The following SSBP3 variants were observed in gnomAD, a reference collection of about 807,000 sequenced individuals.
SSBP3 encodes single stranded DNA binding protein 3.
A neutral mutation model predicts 69.6 loss-of-function variants in SSBP3; 5 were observed. That is an observed-to-expected ratio of 0.07 (90% CI 0.04 to 0.15). The LOEUF (loss-of-function observed/expected upper bound fraction) is 0.15. SSBP3 is among the 10% of genes least tolerant of loss of function. SSBP3 has a pLI of 1.00. For synonymous variants in SSBP3, 196 were observed against 193.4 expected, an observed-to-expected ratio of 1.01 and a Z score of -0.11; for missense variants, 312 against 534.0, an observed-to-expected ratio of 0.58 and a Z score of 4.10.
intron 4 of SSBP3, among the ~76,000 whole-genome samples, chr1:54,362,761 A>G (rs961247308): frequency 1.3e-5 from 2 of 152,192 alleles, no homozygotes; most frequent in Non-Finnish European, 2.9e-5. Flanking sequence ...AGCTGTCTAA[A>G]CATTTGTCTG....
At chr1:54,268,095 C>T (rs1384904485) in intron 5 of SSBP3, among the ~76,000 whole-genome samples, 1 of 152,218 alleles carries the variant, frequency 6.6e-6, no homozygotes, top group African/African-American at 2.4e-5. Context: ...AGAGTCCAGA[C>T]AGCACCCCTC....
chr1:54,235,221 G>T (rs1307916498), intron 14 of SSBP3, among the ~76,000 whole-genome samples: 1 of 151,616 alleles, frequency 6.6e-6, no homozygotes, highest in Non-Finnish European at 1.5e-5. Context: ...TTGTCAATCA[G>T]GCCTTTGCAT....
At chr1:54,383,407 G>A (rs1647831314) in intron 4 of SSBP3, among the ~76,000 whole-genome samples, 1 of 151,786 alleles carries the variant, frequency 6.6e-6, no homozygotes, top group Non-Finnish European at 1.5e-5. Flanking sequence ...AAAGAAAAAA[G>A]AAATAAAGAA....
At chr1:54,253,962 G>A (rs1644875777) in intron 7 of SSBP3, among the ~76,000 whole-genome samples, 1 of 152,258 alleles carries the variant, frequency 6.6e-6, no homozygotes, top group Non-Finnish European at 1.5e-5. Context: ...GCTCAGAGGG[G>A]ACCTGGAGGT....
intron 14 of SSBP3, among the ~76,000 whole-genome samples, chr1:54,234,706 T>G (rs1473614991): frequency 6.6e-6 from 1 of 152,184 alleles, no homozygotes; most frequent in Non-Finnish European, 1.5e-5. Flanking sequence ...TCTGCTTTCT[T>G]TCCCACTGGT....
At chr1:54,244,467 G>A (rs945747553) in intron 9 of SSBP3, among the ~76,000 whole-genome samples, 6 of 151,914 alleles carry the variant, frequency 3.9e-5, no homozygotes, top group East Asian at 1.9e-4. Context: ...GGCTGGTCTC[G>A]AACTCCTGGG....
At chr1:54,372,516 C>T (rs1033390814) in intron 4 of SSBP3, among the ~76,000 whole-genome samples, 1 of 152,194 alleles carries the variant, frequency 6.6e-6, no homozygotes, top group East Asian at 1.9e-4. Context: ...CCCATGAGCA[C>T]TGACCACCAC....
At chr1:54,291,119 G>A (rs1645598393) in intron 4 of SSBP3, among the ~76,000 whole-genome samples, 1 of 152,008 alleles carries the variant, frequency 6.6e-6, no homozygotes. Context: ...CCAGGACCGA[G>A]GTGTGCAGAG....
intron 4 of SSBP3, among the ~76,000 whole-genome samples, chr1:54,399,774 A>T (rs1649163767): frequency 6.6e-6 from 1 of 152,146 alleles, no homozygotes; most frequent in Non-Finnish European, 1.5e-5. Flanking sequence ...GAAAGACAAA[A>T]AGAAAAGTGG....
chr1:54,403,535 A>G (rs1330637087), intron 3 of SSBP3, among the ~76,000 whole-genome samples: 3 of 152,182 alleles, frequency 2.0e-5, no homozygotes, highest in African/African-American at 7.2e-5. Context: ...AAATGCCTCC[A>G]AGACCGGCAG....
intron 11 of SSBP3, among the ~76,000 whole-genome samples, chr1:54,241,943 G>A (rs1344284665): frequency 2.0e-5 from 3 of 152,202 alleles, no homozygotes; most frequent in African/African-American, 7.2e-5. Context: ...ACTCCTTAGA[G>A]GAGTGGGCTG....
At chr1:54,407,613 G>A (rs1171797670), upstream of SSBP3, among the ~76,000 whole-genome samples, 1 of 152,100 alleles carries the variant, frequency 6.6e-6, no homozygotes, top group Non-Finnish European at 1.5e-5. Context: ...TTAGAGAGCG[G>A]ATCTCTTTAA....
At chr1:54,282,582 G>A (rs956491783) in intron 4 of SSBP3, among the ~76,000 whole-genome samples, 19 of 152,162 alleles carry the variant, frequency 1.2e-4, no homozygotes, top group Admixed American at 3.9e-4. Flanking sequence ...AAGGATCTGT[G>A]TGCAACCTAT....
intron 1 of SSBP3, 53 bp downstream of exon 1, chr1:54,405,899 CG>C: frequency 1.8e-6 from 2 of 1,093,636 alleles, no homozygotes; most frequent in Non-Finnish European, 2.4e-6. Context: ...TCCCACCGCC[CG>C]CCCGCCCGCA....
intron 14 of SSBP3, among the ~76,000 whole-genome samples, chr1:54,230,486 A>G (rs750876180): frequency 5.3e-5 from 8 of 152,234 alleles, no homozygotes; most frequent in Non-Finnish European, 1.2e-4. Context: ...TCAAAATGAC[A>G]TATTATTGTA....
chr1:54,352,634 C>T (rs74071656), intron 4 of SSBP3, among the ~76,000 whole-genome samples: 1,602 of 152,298 alleles, frequency 0.011, 29 homozygotes, highest in African/African-American at 0.037. Flanking sequence ...TCTCATGAGC[C>T]TCACCTTGCA....
chr1:54,277,789 CCTTAGGGCCAA>C (rs1243855479), intron 5 of SSBP3, among the ~76,000 whole-genome samples: 1 of 152,160 alleles, frequency 6.6e-6, no homozygotes, highest in African/African-American at 2.4e-5. Flanking sequence ...CTTAGGACCA[CCTTAGGGCCAA>C]GGAACTTAGA....
intron 4 of SSBP3, among the ~76,000 whole-genome samples, chr1:54,294,179 GAAAGAAAGAAAGAAAAGAA>G (rs1645662902): frequency 8.9e-6 from 1 of 112,594 alleles, no homozygotes; most frequent in African/African-American, 3.4e-5. Flanking sequence ...AAGAAAGAAA[GAAAGAAAGAAAGAAAAGAA>G]AAAAGAAATC....
At chr1:54,372,551 C>A (rs1647152331) in intron 4 of SSBP3, among the ~76,000 whole-genome samples, 1 of 152,188 alleles carries the variant, frequency 6.6e-6, no homozygotes, top group South Asian at 2.1e-4. Context: ...AGTCTGTCTG[C>A]CGTTCCAGAC....
Sources: allele counts gnomAD v4.1 joint callset (sites outside exome capture counted in the v4.1 genomes callset), GRCh38; gene constraint gnomAD v4.1.1; transcripts MANE v1.5; gene names NCBI Gene and HGNC (gene_info 2026-07-23, HGNC 2026-07-21).